The following POU2F1 variants were observed in gnomAD, a reference collection of about 807,000 sequenced individuals.
The protein encoded by POU2F1 is POU class 2 homeobox 1, also known as POU domain, class 2, transcription factor 1.
A neutral mutation model predicts 84.9 loss-of-function variants in POU2F1; 16 were observed. The ratio of observed to expected loss-of-function variants is 0.19; its 90% CI spans 0.13 to 0.29. The LOEUF is 0.29. Among genes scored for constraint, POU2F1 ranks in the 10% least tolerant of loss-of-function variants. The pLI, the probability that POU2F1 is intolerant of heterozygous loss-of-function variation, is 1.00. For synonymous variants in POU2F1, 368 were observed against 368.3 expected (o/e 1.00, Z 0.01); for missense variants, 738 against 942.6 (o/e 0.78, Z 2.84).
chr1:167,289,910 T>A lies in POU2F1; in HGVS notation c.62-42560T>A, dbSNP rs965111119. ...AATTAGTTGAATTATAAATCTACAT[T>A]TTTACATAGGGAGACAAAATATAAT... On this transcript the variant is annotated intron_variant, in intron 1 of 15. Coordinates refer to ENST00000367866, the MANE Select transcript of POU2F1 (RefSeq NM_002697.4). 1.8e-4 allele frequency among the ~76,000 whole-genome samples: 28 copies of A among 152,276 alleles called. 1 individual carries two copies. Among genetic ancestry groups the A allele is most frequent in the Admixed American group, 1.6e-3 (24 of 15,286 alleles).
At chr1:167,299,695 G>GTTTTTTTTTTTTTTTTTTTTTTTTTTTTT (rs571000920) in intron 1 of POU2F1, among the ~76,000 whole-genome samples, 2 of 139,344 alleles carry the variant, frequency 1.4e-5, no homozygotes, top group African/African-American at 5.6e-5. Flanking sequence ...GGAGACCAGA[G>GTTTTTTTTTTTTTTTTTTTTTTTTTTTTT]TTTTTTTTTT....
chr1:167,324,804 A>G (rs911262638), intron 1 of POU2F1, among the ~76,000 whole-genome samples: 3 of 152,218 alleles, frequency 2.0e-5, no homozygotes, highest in African/African-American at 7.2e-5. Context: ...GATAAAGTAC[A>G]TGTCTTTCAT....
At chr1:167,352,883 T>C (rs1306455399) in intron 2 of POU2F1, among the ~76,000 whole-genome samples, 3 of 152,202 alleles carry the variant, frequency 2.0e-5, no homozygotes, top group Non-Finnish European at 4.4e-5. Flanking sequence ...TAAGAAGGTA[T>C]AGATTATTGC....
At chr1:167,405,466 C>G (rs1375932173) in intron 13 of POU2F1, among the ~76,000 whole-genome samples, 1 of 151,472 alleles carries the variant, frequency 6.6e-6, no homozygotes, top group African/African-American at 2.4e-5. Flanking sequence ...TCGCTTGGGT[C>G]CAGGAGTTCA....
chr1:167,221,456 G>A (rs1648168500), intron 1 of POU2F1, among the ~76,000 whole-genome samples: 1 of 149,412 alleles, frequency 6.7e-6, no homozygotes, highest in East Asian at 2.0e-4. Context: ...CGTGAAGGGG[G>A]ATGGAGGCGG....
Position 167,423,791 on chromosome 1 carries a change from T to C in POU2F1, c.*7981T>C, listed in dbSNP as rs1202141288. Reference sequence around the variant, plus strand: ...ATCATTGTATAAGTTAGCCACAGCTTCACAAGAGCAGCTTAAGGCTTCTTT... The same window carrying C: ...ATCATTGTATAAGTTAGCCACAGCTCCACAAGAGCAGCTTAAGGCTTCTTT... On this transcript the variant is annotated 3_prime_UTR_variant, in exon 16 of 16. Coordinates refer to ENST00000367866, the MANE Select transcript of POU2F1 (RefSeq NM_002697.4). 2 of 152,238 alleles carry C rather than the reference T, an allele frequency of 1.3e-5. No individual in the cohort carries two copies. Among genetic ancestry groups the C allele is most frequent in the Non-Finnish European group, 2.9e-5 (2 of 68,048 alleles). The allele number at this position is 152,238 out of a possible 1,614,324, so 9.4% of individuals were successfully genotyped here.
chr1:167,301,553 G>A (rs1397255322), intron 1 of POU2F1, among the ~76,000 whole-genome samples: 1 of 152,174 alleles, frequency 6.6e-6, no homozygotes. Flanking sequence ...GGGACTAGCA[G>A]GATTACTGTT....
chr1:167,355,661 TATA>T (rs1463147771), intron 2 of POU2F1, among the ~76,000 whole-genome samples: 1 of 152,236 alleles, frequency 6.6e-6, no homozygotes, highest in Non-Finnish European at 1.5e-5. Flanking sequence ...ACTGGCATAC[TATA>T]ATAACTGCAC....
In POU2F1 at chr1:167,411,993, C is replaced by T. The variant is rs7534943; in HGVS notation, c.1590C>T (p.Thr530=). ...TSDTTSNNTA[T]VISTAPPASS... The stretch of plus-strand genomic sequence containing the variant: ...ACACCACCTCCAACAACACAGCAAC[C>T]GTGATTTCCACAGCGCCTCCAGCTT... The change falls in exon 14 of 16, where the codon ACC becomes ACT. Residue 530 remains threonine (T), a synonymous_variant. Transcript: ENST00000367866. The T allele has an allele frequency of 1.5e-4, 242 of 1,613,892 alleles. 1 individual carries two copies. The African/African-American group carries it at 2.8e-3, about 18-fold the overall frequency.
At chr1:167,272,513 T>C (rs975826743) in intron 1 of POU2F1, among the ~76,000 whole-genome samples, 1 of 152,094 alleles carries the variant, frequency 6.6e-6, no homozygotes, top group Admixed American at 6.5e-5. Flanking sequence ...TTCCACAGGC[T>C]GTACAAGCGT....
chr1:167,221,248 G>T (rs1285807914), intron 1 of POU2F1, among the ~76,000 whole-genome samples: 3 of 151,218 alleles, frequency 2.0e-5, no homozygotes, highest in Admixed American at 6.6e-5. Flanking sequence ...CGTCGGCACC[G>T]GCCCTCCTCC....
chr1:167,413,000 A>G, intron 14 of POU2F1, 26 bp from the exon 15 acceptor site: 1 of 1,591,976 alleles, frequency 6.3e-7, no homozygotes, highest in Non-Finnish European at 8.6e-7. Context: ...CATGGTAATA[A>G]AGTGACTCCT....
intron 1 of POU2F1, among the ~76,000 whole-genome samples, chr1:167,296,328 C>A (rs1214078225): frequency 6.6e-6 from 1 of 152,164 alleles, no homozygotes; most frequent in African/African-American, 2.4e-5. Flanking sequence ...TGTAACACAT[C>A]TTTATATTTA....
At chr1:167,248,453 G>A (rs78829417) in intron 1 of POU2F1, among the ~76,000 whole-genome samples, 3 of 152,144 alleles carry the variant, frequency 2.0e-5, no homozygotes, top group African/African-American at 4.8e-5. Flanking sequence ...CTCACAGTTC[G>A]GTAGGGAAAG....
chr1:167,326,187 A>G (rs1361453955), intron 1 of POU2F1, among the ~76,000 whole-genome samples: 1 of 152,178 alleles, frequency 6.6e-6, no homozygotes, highest in Non-Finnish European at 1.5e-5. Flanking sequence ...TTGCCTTACA[A>G]TCAACTCCTC....
chr1:167,237,769 TA>T (rs1348281250), intron 1 of POU2F1, among the ~76,000 whole-genome samples: 304 of 16,666 alleles, frequency 0.018, 2 homozygotes, highest in African/African-American at 0.053. Context: ...TATATATATA[TA>T]TATTTTTTTT....
At chr1:167,411,679 T>G (rs1048230897) in intron 13 of POU2F1, among the ~76,000 whole-genome samples, 3 of 152,220 alleles carry the variant, frequency 2.0e-5, no homozygotes, top group Non-Finnish European at 4.4e-5. Flanking sequence ...TAATTAGAGC[T>G]TCTATGATTC....
At chr1:167,265,405 T>C (rs1203587555) in intron 1 of POU2F1, among the ~76,000 whole-genome samples, 2 of 152,224 alleles carry the variant, frequency 1.3e-5, no homozygotes, top group Admixed American at 6.5e-5. Context: ...GAAATGTCAT[T>C]GTTAGCTAGT....
At chr1:167,290,608 G>A (rs1653858383) in intron 1 of POU2F1, among the ~76,000 whole-genome samples, 4 of 152,370 alleles carry the variant, frequency 2.6e-5, no homozygotes, top group South Asian at 4.1e-4. Context: ...ATGGAGCAGA[G>A]TACAGTGCCT....
Sources: gnomAD v4.1 joint callset for allele counts (sites outside exome capture counted in the v4.1 genomes callset) on GRCh38, gnomAD v4.1.1 for gene constraint, MANE v1.5 for transcripts, NCBI Gene and HGNC (gene_info 2026-07-23, HGNC 2026-07-21) for gene names.